ENPP1: variants seen among roughly 807,000 people sequenced by gnomAD.
ENPP1 encodes the protein ectonucleotide pyrophosphatase/phosphodiesterase family member 1.
Under a neutral mutation model 122.8 loss-of-function variants are expected in ENPP1, and 73 were observed. That is an observed-to-expected ratio of 0.59 (90% CI 0.49 to 0.72). ENPP1 has a LOEUF of 0.72. Among genes scored for constraint, ENPP1 ranks in the 30% least tolerant of loss-of-function variants. The pLI, the probability that ENPP1 is intolerant of heterozygous loss-of-function variation, is 0.00. For missense variants in ENPP1, 978 were observed against 1,128.1 expected, an observed-to-expected ratio of 0.87 and a Z score of 1.91; for synonymous variants, 367 against 391.6, an observed-to-expected ratio of 0.94 and a Z score of 0.74.
chr6:131,824,066 TG>T (rs1366715823), intron 1 of ENPP1, among the ~76,000 whole-genome samples: 1 of 151,810 alleles, frequency 6.6e-6, no homozygotes, highest in Non-Finnish European at 1.5e-5. Context: ...TGCAAGAGGC[TG>T]GGGGCTAAAT....
chr6:131,852,260 A>AT, intron 5 of ENPP1, 25 bp downstream of exon 5: 1 of 1,510,532 alleles, frequency 6.6e-7, no homozygotes. Context: ...TGAGGTATTA[A>AT]TTTTTTCTTT....
At chr6:131,878,455 T>G (rs1054975691) in intron 18 of ENPP1, 87 bp from the exon 19 acceptor site, 5 of 817,054 alleles carry the variant, frequency 6.1e-6, no homozygotes, top group Admixed American at 5.8e-5. Context: ...TGTTCTATGT[T>G]GGAATAATCA....
intron 1 of ENPP1, among the ~76,000 whole-genome samples, chr6:131,816,655 C>T (rs1447049382): frequency 1.3e-5 from 2 of 152,244 alleles, no homozygotes; most frequent in South Asian, 4.2e-4. Context: ...GATTTAGTTG[C>T]AAGAATTAAG....
chr6:131,846,410 C>G (rs1444849048), intron 1 of ENPP1, among the ~76,000 whole-genome samples: 1 of 152,154 alleles, frequency 6.6e-6, no homozygotes, highest in Non-Finnish European at 1.5e-5. Flanking sequence ...TTATGCTGCC[C>G]TTTCTCCTAG....
In ENPP1 at chr6:131,845,043, G is replaced by GTTTTTTT. The variant is rs142380855; in HGVS notation, c.241-2710_241-2704dup. Among the ~76,000 whole-genome samples the GTTTTTTT allele has an allele frequency of 3.2e-4, 27 of 84,986 alleles. 3 individuals carry two copies. Among genetic ancestry groups the GTTTTTTT allele is most frequent in the African/African-American group, 9.1e-4 (18 of 19,872 alleles). 55.8% of individuals were successfully genotyped at this position (84,986 alleles called of 152,430 possible). The stretch of plus-strand genomic sequence containing the variant: ...ATAAATACAATTTCAATTCTTCATG[G>GTTTTTTT]TTTTTTTTTTTTTTTTTTTTTTTTT... On this transcript the variant is annotated intron_variant, in intron 1 of 24. Transcript: ENST00000647893.
At chr6:131,823,553 A>G (rs1485257605) in intron 1 of ENPP1, among the ~76,000 whole-genome samples, 1 of 151,892 alleles carries the variant, frequency 6.6e-6, no homozygotes, top group Admixed American at 6.6e-5. Context: ...CTCCAAATAC[A>G]CTTTGTACAG....
At position 131,825,861 on chromosome 6, in the gene ENPP1, A is replaced by T. The variant is rs1395948074; in HGVS notation, c.240+17586A>T. ...TTATAAGCTCATATATTAATTACTA[A>T]TTTTTTTCATAATAGTCACCCATTT... On this transcript the variant is annotated intron_variant, in intron 1 of 24. Coordinates refer to ENST00000647893, the MANE Select transcript of ENPP1 (RefSeq NM_006208.3). The T allele has an allele frequency of 1.2e-5, 3 of 260,584 alleles. No homozygotes were observed. In the East Asian group the frequency reaches 2.2e-4, roughly 19 times the overall value. The allele number at this position is 260,584 out of a possible 1,614,324, so 16.1% of individuals were successfully genotyped here. A position where few individuals can be genotyped will look rare whatever the true frequency, so the allele number is the denominator to read the frequency against.
chr6:131,862,006 T>TA (rs1175384740), intron 9 of ENPP1, among the ~76,000 whole-genome samples: 2 of 151,854 alleles, frequency 1.3e-5, no homozygotes, highest in Non-Finnish European at 2.9e-5. Context: ...CCGTCTCTAC[T>TA]AAAAATACAA....
chr6:131,889,189 C>G (rs1220075845), intron 24 of ENPP1, among the ~76,000 whole-genome samples: 1 of 152,154 alleles, frequency 6.6e-6, no homozygotes, highest in Non-Finnish European at 1.5e-5. Context: ...CTTAGTTTAC[C>G]TGATACGATT....
At chr6:131,863,924 A>G (rs1562178441) in intron 9 of ENPP1, among the ~76,000 whole-genome samples, 3 of 152,088 alleles carry the variant, frequency 2.0e-5, no homozygotes, top group African/African-American at 7.2e-5. Flanking sequence ...CAAAAAAAAC[A>G]AAGAAGAGTT....
At chr6:131,886,871 C>A in intron 24 of ENPP1, 147 bp downstream of exon 24, 1 of 530,762 alleles carries the variant, frequency 1.9e-6, no homozygotes, top group Non-Finnish European at 3.3e-6. Flanking sequence ...TAAATTTGAT[C>A]TTTTAAGATG....
intron 1 of ENPP1, among the ~76,000 whole-genome samples, chr6:131,839,298 C>A (rs764457374): frequency 6.6e-6 from 1 of 150,832 alleles, no homozygotes; most frequent in Admixed American, 6.6e-5. Context: ...TTTTTCTATT[C>A]CCCTCTCCCC....
chr6:131,822,699 T>A (rs1480096119), intron 1 of ENPP1, among the ~76,000 whole-genome samples: 1 of 152,194 alleles, frequency 6.6e-6, no homozygotes, highest in Non-Finnish European at 1.5e-5. Context: ...GTACTTTTCA[T>A]AAGTAGGATT....
rs1376338513 is a variant in ENPP1, at chr6:131,858,725, C to T, written c.773C>T (p.Pro258Leu). The T allele has an allele frequency of 6.2e-7, 1 of 1,611,132 alleles. No individual in the cohort carries two copies. The highest frequency in any genetic ancestry group is 8.5e-7 in the Non-Finnish European group (1 of 1,177,548). The change falls in exon 7 of 25, where the codon CCC becomes CTC. Residue 258 changes from proline (P) to leucine (L), a missense_variant. This residue lies in a region of ENPP1 where 4 missense variants were observed against 18.0 expected (regional missense o/e 0.22). Transcript: ENST00000647893. Reference protein sequence around the residue: ...MRPVYPTKTFPNHYSIVTGLY... With the variant: ...MRPVYPTKTFLNHYSIVTGLY... ...CCGGTATATCCAACAAAAACTTTCC[C>T]CAATCACTACAGCATTGTCACCGTA...
At chr6:131,846,158 A>G (rs1262840246) in intron 1 of ENPP1, among the ~76,000 whole-genome samples, 4 of 152,116 alleles carry the variant, frequency 2.6e-5, no homozygotes, top group Non-Finnish European at 2.9e-5. Flanking sequence ...TCCGTACTCA[A>G]TACTCTTCAT....
At chr6:131,882,046 T>C (rs1288391723) in intron 20 of ENPP1, among the ~76,000 whole-genome samples, 1 of 149,660 alleles carries the variant, frequency 6.7e-6, no homozygotes, top group Non-Finnish European at 1.5e-5. Context: ...AATAAATAAA[T>C]AAATAAATAA....
intron 1 of ENPP1, among the ~76,000 whole-genome samples, chr6:131,843,781 T>C (rs1324952164): frequency 6.6e-6 from 1 of 152,082 alleles, no homozygotes; most frequent in Non-Finnish European, 1.5e-5. Flanking sequence ...CTTTTTACTC[T>C]TCCCTCGTTG....
At chr6:131,827,099 G>C (rs560060763) in intron 1 of ENPP1, 28 of 672,940 alleles carry the variant, frequency 4.2e-5, no homozygotes, top group Non-Finnish European at 6.7e-5. Context: ...CCTCCATTTC[G>C]GTGAACTCAA....
At chr6:131,841,088 A>G (rs908028290) in intron 1 of ENPP1, among the ~76,000 whole-genome samples, 7 of 152,228 alleles carry the variant, frequency 4.6e-5, no homozygotes, top group Non-Finnish European at 1.0e-4. Context: ...TAAGAGACCA[A>G]GCATGCATGA....
Sources: gnomAD v4.1 joint callset for allele counts (sites outside exome capture counted in the v4.1 genomes callset) on GRCh38, gnomAD v4.1.1 for gene constraint, gnomAD v4.1.1 regional missense constraint, MANE v1.5 for transcripts, NCBI Gene and HGNC (gene_info 2026-07-23, HGNC 2026-07-21) for gene names.